The following ARHGAP26 variants were observed in gnomAD, a reference collection of about 807,000 sequenced individuals.
The protein encoded by ARHGAP26 is rho GTPase-activating protein 26.
Under a neutral mutation model 104.8 loss-of-function variants are expected in ARHGAP26, and 38 were observed. The observed-to-expected ratio is 0.36, with a 90% CI of 0.28 to 0.48. The LOEUF (loss-of-function observed/expected upper bound fraction) is 0.48, where lower values mean the gene tolerates loss of function less well. Ranked by LOEUF, ARHGAP26 falls within the 20% of genes least tolerant of loss-of-function variation. The pLI, the probability that ARHGAP26 is intolerant of heterozygous loss-of-function variation, is 0.99. For missense variants in ARHGAP26, 704 were observed against 947.9 expected (o/e 0.74, Z 3.38); for synonymous variants, 341 against 340.0 (o/e 1.00, Z -0.03).
At chr5:142,851,501 G>T (rs1394329541) in intron 1 of ARHGAP26, among the ~76,000 whole-genome samples, 10 of 152,216 alleles carry the variant, frequency 6.6e-5, no homozygotes. Context: ...TAGTAGTTCA[G>T]TTCAGTTGTT....
chr5:142,803,023 C>A (rs1386404078), intron 1 of ARHGAP26, among the ~76,000 whole-genome samples: 55 of 152,210 alleles, frequency 3.6e-4, no homozygotes, highest in Non-Finnish European at 4.4e-5. Flanking sequence ...GGGGAGATAC[C>A]CCTTAATCCA....
At chr5:143,008,894 G>C (rs1455960378) in intron 11 of ARHGAP26, among the ~76,000 whole-genome samples, 1 of 152,204 alleles carries the variant, frequency 6.6e-6, no homozygotes, top group Non-Finnish European at 1.5e-5. Context: ...GTAGGGACAT[G>C]TAAACTGAAC....
At chr5:142,902,202 G>A (rs1416195671) in intron 7 of ARHGAP26, among the ~76,000 whole-genome samples, 163 bp downstream of exon 7, 4 of 152,280 alleles carry the variant, frequency 2.6e-5, no homozygotes, top group Non-Finnish European at 5.9e-5. Flanking sequence ...TAGAGTGCTT[G>A]GTGGTTCTGA....
chr5:143,149,506 C>T (rs1348911131), intron 20 of ARHGAP26, among the ~76,000 whole-genome samples: 1 of 152,198 alleles, frequency 6.6e-6, no homozygotes, highest in Non-Finnish European at 1.5e-5. Context: ...GGGATCCTGT[C>T]TCCCTGATAT....
At position 142,903,251 on chromosome 5, in the gene ARHGAP26, C is replaced by T. The variant is rs79395813; in HGVS notation, c.703-289C>T. 2.4e-3 allele frequency among the ~76,000 whole-genome samples: 373 copies of T among 152,282 alleles called. 8 individuals carry two copies. The East Asian group carries it at 0.041, about 17-fold the overall frequency. ...CACCTGGGAGGCTTATCGTAAAACA[C>T]ACTTTTTGGCATCCAGAGGTGCTGA... On this transcript the variant is annotated intron_variant, in intron 7 of 22. Coordinates refer to ENST00000645722, the MANE Select transcript of ARHGAP26 (RefSeq NM_001135608.3).
chr5:143,179,005 G>C (rs1226907875), intron 20 of ARHGAP26, among the ~76,000 whole-genome samples: 1 of 152,046 alleles, frequency 6.6e-6, no homozygotes, highest in Non-Finnish European at 1.5e-5. Context: ...AAGTAGCTGG[G>C]ATTACAGGCA....
chr5:143,176,692 A>T (rs145236293), intron 20 of ARHGAP26, among the ~76,000 whole-genome samples: 124 of 152,302 alleles, frequency 8.1e-4, no homozygotes, highest in Non-Finnish European at 1.4e-3. Context: ...CTGCGGAAGG[A>T]ATTACTTTAG....
At chr5:143,030,553 G>T (rs1410107394) in intron 12 of ARHGAP26, among the ~76,000 whole-genome samples, 2 of 152,226 alleles carry the variant, frequency 1.3e-5, no homozygotes, top group African/African-American at 4.8e-5. Flanking sequence ...AAGGAAGGAA[G>T]TGGTTAGATC....
chr5:143,179,793 C>T (rs1291001579), intron 20 of ARHGAP26, among the ~76,000 whole-genome samples: 1 of 152,262 alleles, frequency 6.6e-6, no homozygotes, highest in Non-Finnish European at 1.5e-5. Context: ...GAATTTTTTT[C>T]ATCCCTACTC....
chr5:143,084,601 C>G (rs1790281591), intron 17 of ARHGAP26, among the ~76,000 whole-genome samples: 1 of 152,208 alleles, frequency 6.6e-6, no homozygotes, highest in African/African-American at 2.4e-5. Context: ...GCGTGGCATA[C>G]AAAGACATCT....
intron 5 of ARHGAP26, among the ~76,000 whole-genome samples, chr5:142,891,292 C>T (rs1294303518): frequency 1.3e-5 from 2 of 151,936 alleles, no homozygotes; most frequent in Non-Finnish European, 2.9e-5. Context: ...CAGATATCTC[C>T]TTTCCCTGAT....
At chr5:143,069,016 C>T (rs1378764359) in intron 17 of ARHGAP26, among the ~76,000 whole-genome samples, 1 of 152,138 alleles carries the variant, frequency 6.6e-6, no homozygotes, top group African/African-American at 2.4e-5. Flanking sequence ...CCTCCTGCCT[C>T]CTTGACTTCT....
At chr5:142,979,496 T>C (rs1479123653) in intron 11 of ARHGAP26, among the ~76,000 whole-genome samples, 1 of 152,238 alleles carries the variant, frequency 6.6e-6, no homozygotes, top group East Asian at 1.9e-4. Context: ...AATGTTTCAC[T>C]TGGGATCTGG....
At chr5:143,143,176 G>A (rs1246010917) in intron 19 of ARHGAP26, among the ~76,000 whole-genome samples, 6 of 152,084 alleles carry the variant, frequency 3.9e-5, no homozygotes, top group Admixed American at 6.6e-5. Flanking sequence ...GAAACCTCCC[G>A]CAAATGTTTC....
At chr5:143,197,635 CT>C (rs1436312875) in intron 20 of ARHGAP26, among the ~76,000 whole-genome samples, 3 of 152,184 alleles carry the variant, frequency 2.0e-5, no homozygotes, top group Admixed American at 1.3e-4. Flanking sequence ...ATGTTGTAGG[CT>C]GCCTTTTTAC....
At position 142,770,790 on chromosome 5, in the gene ARHGAP26, A is replaced by G; in HGVS notation, c.29A>G (p.Asp10Gly). Residue 10 changes from aspartate to glycine, a missense_variant, in exon 1 of 23, where the codon GAC becomes GGC. Asp to Gly is a moderately conservative substitution (Grantham distance 94). Around this residue, in one of 6 missense-constraint regions of ARHGAP26, gnomAD observed 77 missense variants for 82.6 expected, o/e 0.93. Coordinates refer to ENST00000645722, the MANE Select transcript of ARHGAP26 (RefSeq NM_001135608.3). ...GGGCTCCCAGCGCTCGAGTTCAGCG[A>G]CTGCTGCCTCGATAGTCCGCACTTC... MGLPALEFS[D>G]CCLDSPHFRE... 3 of 1,562,892 alleles carry G rather than the reference A, an allele frequency of 1.9e-6. No homozygotes were observed. Among genetic ancestry groups the G allele is most frequent in the Non-Finnish European group, 2.6e-6 (3 of 1,152,958 alleles).
intron 14 of ARHGAP26, among the ~76,000 whole-genome samples, chr5:143,049,585 A>G (rs1422623675): frequency 6.6e-6 from 1 of 152,058 alleles, no homozygotes; most frequent in African/African-American, 2.4e-5. Flanking sequence ...TTTGCCAACA[A>G]ATATTTTATA....
intron 1 of ARHGAP26, among the ~76,000 whole-genome samples, chr5:142,802,219 G>A (rs1762203724): frequency 6.6e-6 from 1 of 152,218 alleles, no homozygotes; most frequent in African/African-American, 2.4e-5. Flanking sequence ...GGAAGTTGAT[G>A]TTTTTCAGAT....
intron 11 of ARHGAP26, among the ~76,000 whole-genome samples, chr5:142,974,339 G>A (rs151189853): frequency 1.3e-5 from 2 of 152,016 alleles, no homozygotes; most frequent in African/African-American, 4.8e-5. Context: ...TCTGGTTCTC[G>A]ATGGTGTATT....
Sources: gnomAD v4.1 joint callset for allele counts (sites outside exome capture counted in the v4.1 genomes callset) on GRCh38, gnomAD v4.1.1 for gene constraint, gnomAD v4.1.1 regional missense constraint, MANE v1.5 for transcripts, NCBI Gene and HGNC (gene_info 2026-07-23, HGNC 2026-07-21) for gene names.